Variants in PTK2B observed in about 807,000 individuals in gnomAD.
PTK2B encodes the protein protein-tyrosine kinase 2-beta.
Under a neutral mutation model 142.9 loss-of-function variants are expected in PTK2B, and 71 were observed. That is an observed-to-expected ratio of 0.50 (90% confidence interval 0.41 to 0.61). The LOEUF (loss-of-function observed/expected upper bound fraction) is 0.61. Ranked by LOEUF, PTK2B falls within the 20% of genes least tolerant of loss-of-function variation. The probability of loss-of-function intolerance (pLI) is 0.00; values close to 1 mark genes in which losing one functional copy is unlikely to be tolerated. For synonymous variants in PTK2B, 519 were observed against 503.4 expected (o/e 1.03, Z -0.42); for missense variants, 1,105 against 1,320.4 (o/e 0.84, Z 2.53).
chr8:27,361,069 G>A (rs565998114), intron 1 of PTK2B, among the ~76,000 whole-genome samples: 4 of 152,164 alleles, frequency 2.6e-5, no homozygotes, highest in East Asian at 1.9e-4. Flanking sequence ...ACCATCACCC[G>A]AATACTGTTT....
chr8:27,360,764 TC>T (rs1394303574), intron 1 of PTK2B, among the ~76,000 whole-genome samples: 1 of 152,224 alleles, frequency 6.6e-6, no homozygotes, highest in Non-Finnish European at 1.5e-5. Context: ...TCACCTGGGA[TC>T]TTTTCACTAG....
At chr8:27,360,948 A>T (rs6995736) in intron 1 of PTK2B, among the ~76,000 whole-genome samples, 44 of 152,246 alleles carry the variant, frequency 2.9e-4, no homozygotes, top group African/African-American at 9.6e-4. Context: ...CAGGAAAGAA[A>T]GAAACATAGG....
intron 1 of PTK2B, among the ~76,000 whole-genome samples, chr8:27,392,869 C>T (rs1807811130): frequency 6.6e-6 from 1 of 152,186 alleles, no homozygotes; most frequent in Non-Finnish European, 1.5e-5. Context: ...TTGATCAAAC[C>T]TATATTCTAG....
At chr8:27,412,793 C>A (rs1011991500) in intron 2 of PTK2B, among the ~76,000 whole-genome samples, 2 of 151,952 alleles carry the variant, frequency 1.3e-5, no homozygotes, top group African/African-American at 4.8e-5. Flanking sequence ...AGAAGGAAAT[C>A]TGAAAAAAAA....
At chr8:27,404,849 C>A (rs1367089) in intron 2 of PTK2B, among the ~76,000 whole-genome samples, 3 of 151,882 alleles carry the variant, frequency 2.0e-5, no homozygotes, top group Non-Finnish European at 2.9e-5. Context: ...CCCTCACCCC[C>A]AATTCCATAT....
intron 1 of PTK2B, among the ~76,000 whole-genome samples, chr8:27,343,260 A>G (rs1458347779): frequency 6.6e-6 from 1 of 152,064 alleles, no homozygotes; most frequent in African/African-American, 2.4e-5. Flanking sequence ...TTCCAGATCC[A>G]CCTTCTTCTT....
intron 2 of PTK2B, among the ~76,000 whole-genome samples, chr8:27,411,565 G>A (rs1809066073): frequency 1.3e-5 from 2 of 152,232 alleles, no homozygotes; most frequent in South Asian, 2.1e-4. Flanking sequence ...CTGGAGGGCT[G>A]CAGAGAGGGG....
intron 9 of PTK2B, chr8:27,432,014 C>A: frequency 2.5e-6 from 1 of 404,494 alleles, no homozygotes; most frequent in Non-Finnish European, 4.4e-6. Flanking sequence ...TTACCTTCAT[C>A]AAGTAGTGTT....
chr8:27,445,363 T>C (rs371683946), intron 23 of PTK2B, among the ~76,000 whole-genome samples: 17 of 152,298 alleles, frequency 1.1e-4, no homozygotes, highest in African/African-American at 4.1e-4. Context: ...CAGTGAGCTG[T>C]GATCATACCA....
chr8:27,436,881 A>G (rs563440867), intron 15 of PTK2B, among the ~76,000 whole-genome samples: 2 of 152,274 alleles, frequency 1.3e-5, no homozygotes, highest in African/African-American at 4.8e-5. Flanking sequence ...CCTCATCTGG[A>G]TGGCCAGGGG....
intron 11 of PTK2B, 30 bp from the exon 12 acceptor site, chr8:27,434,063 C>G (rs746688874): frequency 3.1e-6 from 5 of 1,613,442 alleles, no homozygotes; most frequent in Non-Finnish European, 4.2e-6. Flanking sequence ...GTCCCCAGCT[C>G]CAACCTCCTC....
At chr8:27,335,117 T>C (rs1803980770) in intron 1 of PTK2B, among the ~76,000 whole-genome samples, 1 of 152,220 alleles carries the variant, frequency 6.6e-6, no homozygotes, top group African/African-American at 2.4e-5. Context: ...TGACAGTTTT[T>C]AGTAACTTGA....
intron 30 of PTK2B, among the ~76,000 whole-genome samples, chr8:27,456,072 C>T (rs982108996): frequency 6.6e-6 from 1 of 152,230 alleles, no homozygotes; most frequent in Non-Finnish European, 1.5e-5. Context: ...GCTGTCTTGT[C>T]TCATTTAAGA....
chr8:27,434,254 GA>G (rs1212413695), intron 12 of PTK2B, 122 bp downstream of exon 12: 4 of 1,284,658 alleles, frequency 3.1e-6, no homozygotes, highest in Admixed American at 2.2e-5. Context: ...GGAGAACCCT[GA>G]AAAAAGATGA....
chr8:27,450,202 C>T (rs1333317755), intron 24 of PTK2B, among the ~76,000 whole-genome samples: 3 of 152,144 alleles, frequency 2.0e-5, no homozygotes, highest in Non-Finnish European at 2.9e-5. Flanking sequence ...CATGGACACA[C>T]GTGGGACTGC....
intron 26 of PTK2B, 67 bp downstream of exon 26, chr8:27,451,145 C>T: frequency 1.3e-6 from 2 of 1,546,376 alleles, no homozygotes; most frequent in South Asian, 1.1e-5. Flanking sequence ...ACCATAGGAC[C>T]CCCCGCCCAA....
At chr8:27,397,809 C>G (rs767746521) in intron 2 of PTK2B, 21 bp downstream of exon 2, 4 of 1,609,600 alleles carry the variant, frequency 2.5e-6, no homozygotes, top group South Asian at 2.2e-5. Context: ...AGTGTCTGCC[C>G]TGTCCATCTG....
At chr8:27,374,432 G>A (rs536740750) in intron 1 of PTK2B, among the ~76,000 whole-genome samples, 1 of 152,374 alleles carries the variant, frequency 6.6e-6, no homozygotes, top group East Asian at 1.9e-4. Context: ...GCCCCGTGGG[G>A]CAGCACAGGT....
intron 25 of PTK2B, 60 bp downstream of exon 25, chr8:27,450,955 C>T: frequency 6.2e-7 from 1 of 1,612,308 alleles, no homozygotes; most frequent in Non-Finnish European, 8.5e-7. Flanking sequence ...TTCCACCTCC[C>T]CAGGTGGCTG....
Sources: gnomAD v4.1 joint callset for allele counts (sites outside exome capture counted in the v4.1 genomes callset) on GRCh38, gnomAD v4.1.1 for gene constraint, MANE v1.5 for transcripts, NCBI Gene and HGNC (gene_info 2026-07-23, HGNC 2026-07-21) for gene names.